Variants in PMFBP1 observed in about 807,000 individuals in gnomAD.
PMFBP1 encodes polyamine-modulated factor 1-binding protein 1.
In PMFBP1, 131 loss-of-function variants were observed where a neutral mutation model predicts 137.8. The ratio of observed to expected loss-of-function variants is 0.95; its 90% CI spans 0.82 to 1.10. PMFBP1 has a LOEUF of 1.10. Ranked by LOEUF, PMFBP1 falls within the 50% of genes least tolerant of loss-of-function variation. The probability of loss-of-function intolerance (pLI) is 0.00; values close to 1 mark genes in which losing one functional copy is unlikely to be tolerated. For missense variants in PMFBP1, 1,199 were observed against 1,175.4 expected, an observed-to-expected ratio of 1.02 and a Z score of -0.29; for synonymous variants, 490 against 450.4, an observed-to-expected ratio of 1.09 and a Z score of -1.11.
chr16:72,135,582 G>C (rs1338470579), intron 9 of PMFBP1, among the ~76,000 whole-genome samples: 1 of 151,784 alleles, frequency 6.6e-6, no homozygotes, highest in Non-Finnish European at 1.5e-5. Context: ...GATTAAAAAA[G>C]CTTGCATTGG....
intron 18 of PMFBP1, 61 bp from the exon 19 acceptor site, chr16:72,123,049 C>A (rs572872883): frequency 3.4e-6 from 5 of 1,465,724 alleles, no homozygotes; most frequent in Non-Finnish European, 3.8e-6. Context: ...AGCAAGGGTG[C>A]AGCTGGCTGA....
chr16:72,130,226 C>G lies in PMFBP1; in HGVS notation c.1769G>C (p.Arg590Pro), dbSNP rs138147953. Residue 590 changes from arginine (R) to proline (P), a missense_variant, in exon 12 of 21, where the codon CGT (arginine) becomes CCT (proline). By Grantham distance (103) the Arg-to-Pro change is moderately radical. Coordinates refer to ENST00000237353, the MANE Select transcript of PMFBP1 (RefSeq NM_031293.3). The part of the protein sequence containing the change: ...QDMKMNDMLD[R>P]IKHQHREQGS... ...TGCCCGTCATACCTGGTGCTTGATA[C>G]GATCAAGCATGTCATTCATTTTCAT... 4.5e-4 allele frequency: 721 copies of G among 1,613,226 alleles called. 5 individuals carry two copies. In the East Asian group the frequency reaches 8.2e-3, roughly 18 times the overall value.
intron 3 of PMFBP1, among the ~76,000 whole-genome samples, chr16:72,159,263 A>G (rs573627398): frequency 5.4e-4 from 82 of 152,276 alleles, no homozygotes; most frequent in African/African-American, 2.0e-3. Context: ...TGTGCTCAGA[A>G]TTACTCTTTG....
chr16:72,196,795 T>A, the PMFBP1 span, among the ~76,000 whole-genome samples: 1 of 152,012 alleles, frequency 6.6e-6, no homozygotes, highest in Non-Finnish European at 1.5e-5. Context: ...ACCAATAATG[T>A]TTAGGAATTT....
intron 2 of PMFBP1, among the ~76,000 whole-genome samples, chr16:72,168,371 T>A (rs970455546): frequency 6.6e-6 from 1 of 152,228 alleles, no homozygotes; most frequent in African/African-American, 2.4e-5. Flanking sequence ...GAAAAGCCAA[T>A]GTTTCTGGGG....
At chr16:72,148,073 T>C (rs1047050190) in intron 5 of PMFBP1, among the ~76,000 whole-genome samples, 1 of 152,096 alleles carries the variant, frequency 6.6e-6, no homozygotes, top group African/African-American at 2.4e-5. Context: ...CAGGCACACA[T>C]ATGTTTACTG....
the PMFBP1 span, chr16:72,224,918 T>G: frequency 0.99 from 150,361 of 152,342 alleles, 74,207 homozygotes; most frequent in East Asian, 1. Flanking sequence ...TTTGCACATA[T>G]TAAGGGCTTC....
chr16:72,204,511 C>T, the PMFBP1 span, among the ~76,000 whole-genome samples: 1 of 152,070 alleles, frequency 6.6e-6, no homozygotes, highest in African/African-American at 2.4e-5. Flanking sequence ...CCATTGTGCA[C>T]ATTTATCCCC....
the PMFBP1 span, among the ~76,000 whole-genome samples, chr16:72,209,030 T>A: frequency 1.3e-5 from 2 of 152,232 alleles, no homozygotes; most frequent in African/African-American, 4.8e-5. Flanking sequence ...TTCACCAGCG[T>A]GGCTGCCTTT....
At position 72,124,833 on chromosome 16, in the gene PMFBP1, C is replaced by T. The variant is rs757427859; in HGVS notation, c.2523G>A (p.Glu841=). The T allele has an allele frequency of 1.2e-6, 2 of 1,614,236 alleles. No homozygotes were observed. Among genetic ancestry groups the T allele is most frequent in the East Asian group, 2.2e-5 (1 of 44,884 alleles). ...TCTCCTCCTGGAACTCCCTGAGCTG[C>T]TCCTCTTTGGCTGCCAGCATCTTGA... ...NDLKMLAAKE[E]QLREFQEEMA... is the part of the protein sequence containing the mutation. Residue 841 remains glutamate (E), a synonymous_variant, in exon 17 of 21, where the codon GAG becomes GAA. Coordinates refer to ENST00000237353, the MANE Select transcript of PMFBP1 (RefSeq NM_031293.3).
chr16:72,175,491 T>C (rs181882774), upstream of PMFBP1, among the ~76,000 whole-genome samples: 152 of 152,312 alleles, frequency 1.0e-3, no homozygotes, highest in Admixed American at 3.9e-3. Flanking sequence ...GGTAAGTGCC[T>C]GGGTATATGG....
intron 14 of PMFBP1, among the ~76,000 whole-genome samples, chr16:72,127,658 G>T (rs746479753): frequency 3.3e-5 from 5 of 152,178 alleles, no homozygotes; most frequent in Non-Finnish European, 7.3e-5. Flanking sequence ...GAACCAAGAA[G>T]TTCTAGTAAA....
At chr16:72,143,976 T>G (rs1014634260) in intron 5 of PMFBP1, among the ~76,000 whole-genome samples, 8 of 151,324 alleles carry the variant, frequency 5.3e-5, no homozygotes, top group African/African-American at 9.7e-5. Context: ...GGGAGGCGGA[T>G]GTTGCAGTGA....
chr16:72,172,233 G>A (rs1047646399), upstream of PMFBP1: 1 of 151,990 alleles, frequency 6.6e-6, no homozygotes, highest in Non-Finnish European at 1.5e-5. Flanking sequence ...AAGTCTTCAT[G>A]CACAGAGGTG....
chr16:72,206,510 A>G, the PMFBP1 span, among the ~76,000 whole-genome samples: 1 of 152,170 alleles, frequency 6.6e-6, no homozygotes, highest in Admixed American at 6.5e-5. Flanking sequence ...CGGCCTTTGT[A>G]ATGCGCATTT....
chr16:72,185,441 C>T, the PMFBP1 span, among the ~76,000 whole-genome samples: 1 of 152,038 alleles, frequency 6.6e-6, no homozygotes, highest in Admixed American at 6.6e-5. Context: ...TCTGCTTGTG[C>T]TACGGCTATG....
At chr16:72,173,764 C>A (rs988367219), upstream of PMFBP1, among the ~76,000 whole-genome samples, 4 of 152,164 alleles carry the variant, frequency 2.6e-5, no homozygotes, top group African/African-American at 9.7e-5. Context: ...CCATGTGAAC[C>A]TTCACAGTGC....
Position 72,136,568 on chromosome 16 carries a change from C to T in PMFBP1, c.1083G>A (p.Arg361=), listed in dbSNP as rs1400137032. Reference sequence around the variant, plus strand: ...TCTCAATGTGGGCAGATGTCTCCTCCCGCAGTCCGTGCAGGTCCAGCTCCA... The same window carrying T: ...TCTCAATGTGGGCAGATGTCTCCTCTCGCAGTCCGTGCAGGTCCAGCTCCA... ...MKLELDLHGL[R]EETSAHIERK... The change falls in exon 9 of 21, where the codon CGG becomes CGA. Residue 361 remains arginine, a synonymous_variant. Transcript: ENST00000237353. 1 of 1,614,066 alleles carries T rather than the reference C, an allele frequency of 6.2e-7. No homozygotes were observed. The highest frequency in any genetic ancestry group is 8.5e-7 in the Non-Finnish European group (1 of 1,179,992).
intron 5 of PMFBP1, among the ~76,000 whole-genome samples, chr16:72,143,500 T>C (rs2042754911): frequency 1.3e-5 from 2 of 152,270 alleles, no homozygotes; most frequent in Admixed American, 6.5e-5. Context: ...CCCAGCACTT[T>C]GGGAGGCTGA....
Sources: gnomAD v4.1 joint callset for allele counts (sites outside exome capture counted in the v4.1 genomes callset) on GRCh38, gnomAD v4.1.1 for gene constraint, MANE v1.5 for transcripts, NCBI Gene and HGNC (gene_info 2026-07-23, HGNC 2026-07-21) for gene names.